The following ABCF1 variants were observed in gnomAD, a reference collection of about 807,000 sequenced individuals.
ABCF1 encodes the protein ATP binding cassette subfamily F member 1.
Under a neutral mutation model 126.3 loss-of-function variants are expected in ABCF1, and 73 were observed. That is an observed-to-expected ratio of 0.58 (90% confidence interval 0.48 to 0.70). The LOEUF (loss-of-function observed/expected upper bound fraction) is 0.70, where lower values mean the gene tolerates loss of function less well. ABCF1 is among the 30% of genes least tolerant of loss of function. The pLI, the probability that ABCF1 is intolerant of heterozygous loss-of-function variation, is 0.00. For missense variants in ABCF1, 786 were observed against 1,057.5 expected, an observed-to-expected ratio of 0.74 and a Z score of 3.56; for synonymous variants, 345 against 396.4, an observed-to-expected ratio of 0.87 and a Z score of 1.54.
chr6:30,571,499 G>C lies in ABCF1; in HGVS notation c.12G>C (p.Ala4=). 2 of 1,610,880 alleles carry C rather than the reference G, an allele frequency of 1.2e-6. No individual in the cohort carries two copies. Among genetic ancestry groups the C allele is most frequent in the Non-Finnish European group, 1.7e-6 (2 of 1,179,396 alleles). The change falls in exon 1 of 25, where the codon GCG becomes GCC. Residue 4 remains alanine, a synonymous_variant. Transcript: ENST00000326195. MPK[A]PKQQPPEPEW... ...TAACTGCCACCGCGATGCCGAAGGC[G>C]CCCAAGCAGCAGCCGCCGGAGCCCG...
rs191456242 is a variant in ABCF1, at chr6:30,582,381, C to G, written c.679-13C>G. ...AGGAGTCCCTAGTTTTGACCATCCC[C>G]GGGTTCTCACAGGGTTCAGAGGAAG... is the stretch of plus-strand genomic sequence containing the variant. On this transcript the variant is annotated splice_polypyrimidine_tract_variant and intron_variant, in intron 8 of 24. Transcript: ENST00000326195. 8 of 1,560,682 alleles carry G rather than the reference C, an allele frequency of 5.1e-6. No individual in the cohort carries two copies. Among genetic ancestry groups the G allele is most frequent in the Admixed American group, 1.7e-5 (1 of 58,558 alleles).
rs1802371618 is a variant in ABCF1, at chr6:30,590,188, G to T, written c.2273G>T (p.Cys758Phe). The change falls in exon 23 of 25, where the codon TGT (cysteine) becomes TTT (phenylalanine). Residue 758 changes from cysteine to phenylalanine, a missense_variant. Physicochemically the swap from Cys to Phe is radical, Grantham distance 205 (BLOSUM62 -2). Coordinates refer to ENST00000326195, the MANE Select transcript of ABCF1 (RefSeq NM_001025091.2). ...CGAGTTGTGTTTGCTGAGCTGGCCTGTCGGGAACCTGATGTCCTCATCTTG... is the reference window on the plus strand; with the variant it reads ...CGAGTTGTGTTTGCTGAGCTGGCCTTTCGGGAACCTGATGTCCTCATCTTG... The part of the protein sequence containing the change: ...KARVVFAELA[C>F]REPDVLILDE... 6.2e-7 allele frequency: 1 copy of T among 1,613,086 alleles called. No individual in the cohort carries two copies. The highest frequency in any genetic ancestry group is 8.5e-7 in the Non-Finnish European group (1 of 1,180,028).
At chr6:30,576,345 T>C (rs1469837886) in intron 1 of ABCF1, among the ~76,000 whole-genome samples, 3 of 123,494 alleles carry the variant, frequency 2.4e-5, no homozygotes, top group African/African-American at 9.0e-5. Context: ...TGCAGTACAA[T>C]AGCGTGATCT....
Position 30,584,711 on chromosome 6 carries a change from G to A in ABCF1, c.1391+145G>A. On this transcript the variant is annotated intron_variant, in intron 14 of 24. Transcript: ENST00000326195. This position sits in a 1 kb window ranked among gnomAD's most constrained non-coding sequence, Gnocchi z 4.6. Reference sequence around the variant, plus strand: ...ACTATCTGTGTTGTGAGAACTTAGGGTCTTTCTCTATTTATCTCCCTACTT... The same window carrying A: ...ACTATCTGTGTTGTGAGAACTTAGGATCTTTCTCTATTTATCTCCCTACTT... 1 of 1,199,810 alleles carries A rather than the reference G, an allele frequency of 8.3e-7. No homozygotes were observed. Among genetic ancestry groups the A allele is most frequent in the South Asian group, 1.6e-5 (1 of 63,752 alleles). The allele number at this position is 1,199,810 out of a possible 1,614,324, so 74.3% of individuals were successfully genotyped here.
intron 6 of ABCF1, 42 bp downstream of exon 6, chr6:30,578,619 C>G: frequency 1.3e-6 from 2 of 1,535,082 alleles, no homozygotes; most frequent in Non-Finnish European, 1.8e-6. Flanking sequence ...CTCCATTTAG[C>G]ACCTTCTGGC....
At chr6:30,587,685 C>T (rs936329689) in intron 20 of ABCF1, among the ~76,000 whole-genome samples, 3 of 151,470 alleles carry the variant, frequency 2.0e-5, no homozygotes, top group African/African-American at 7.3e-5. Flanking sequence ...CCCATCTCTA[C>T]TAAAAATACA....
At chr6:30,588,855 G>A (rs953130958) in intron 20 of ABCF1, among the ~76,000 whole-genome samples, 2 of 151,926 alleles carry the variant, frequency 1.3e-5, no homozygotes, top group African/African-American at 2.4e-5. Flanking sequence ...TGTACCATTC[G>A]TGAGTCTCGC....
rs781453684 is a variant in ABCF1 at position 30,586,856 on chromosome 6, G to A, written c.2031+145G>A. The A allele has an allele frequency of 6.5e-6, 6 of 918,040 alleles. No individual in the cohort carries two copies. The highest frequency in any genetic ancestry group is 1.0e-5 in the Non-Finnish European group (6 of 598,396). The allele number at this position is 918,040 out of a possible 1,614,324, so 56.9% of individuals were successfully genotyped here. ...ATGATTCATTTCCCTAAGAGGGGCA[G>A]TAGAGGAGGAAAGAGCTTAGATCAG... On this transcript the variant is annotated intron_variant, in intron 20 of 24. Coordinates refer to ENST00000326195, the MANE Select transcript of ABCF1 (RefSeq NM_001025091.2). The surrounding 1 kb of genome is among the most constrained non-coding windows in gnomAD (Gnocchi z 4.9).
chr6:30,585,147 G>T, intron 14 of ABCF1, 113 bp from the exon 15 acceptor site: 1 of 952,524 alleles, frequency 1.0e-6, no homozygotes, highest in South Asian at 1.3e-5. Context: ...TCTCTGAGGA[G>T]AGCTTGGGAA....
At chr6:30,577,563 CAA>C (rs1433720159) in intron 2 of ABCF1, 108 bp downstream of exon 2, 18 of 1,369,092 alleles carry the variant, frequency 1.3e-5, no homozygotes, top group Non-Finnish European at 1.8e-5. Flanking sequence ...AAGATCTTGT[CAA>C]GAGAGGAGAT....
chr6:30,590,084 C>T (rs1377704637), intron 22 of ABCF1, 65 bp from the exon 23 acceptor site: 3 of 1,610,136 alleles, frequency 1.9e-6, no homozygotes, highest in Non-Finnish European at 2.5e-6. Flanking sequence ...ACTGGCACAT[C>T]TTGAGGGTTT....
intron 6 of ABCF1, among the ~76,000 whole-genome samples, chr6:30,579,481 C>T (rs1341123511): frequency 4.4e-5 from 5 of 113,874 alleles, no homozygotes; most frequent in African/African-American, 1.1e-4. Flanking sequence ...TTTTTTGAGA[C>T]GGAGTCTCAC....
At chr6:30,581,508 A>G (rs896904368) in intron 8 of ABCF1, among the ~76,000 whole-genome samples, 6 of 150,372 alleles carry the variant, frequency 4.0e-5, no homozygotes, top group East Asian at 3.9e-4. Flanking sequence ...GGTTCAAGCA[A>G]TTCTTCTGCC....
rs1253619622 is a variant in ABCF1, at chr6:30,580,421, G to A, written c.580G>A (p.Ala194Thr). 24 of 1,537,136 alleles carry A rather than the reference G, an allele frequency of 1.6e-5. No homozygotes were observed. Among genetic ancestry groups the A allele is most frequent in the Admixed American group, 4.9e-5 (2 of 40,778 alleles). Residue 194 changes from alanine (A) to threonine (T), a missense_variant, in exon 8 of 25, where the codon GCT becomes ACT. Ala to Thr is a moderately conservative substitution (Grantham distance 58). Coordinates refer to ENST00000326195, the MANE Select transcript of ABCF1 (RefSeq NM_001025091.2). ...TCCCTATTAGCCTCAAAATAAATTC[G>A]CTGCTCTGGACAATGAAGAGGAGGA... ...KGKAKPQNKF[A>T]ALDNEEEDKE...
intron 8 of ABCF1, 56 bp downstream of exon 8, chr6:30,580,575 T>G (rs1801766659): frequency 1.7e-5 from 18 of 1,089,784 alleles, no homozygotes; most frequent in Non-Finnish European, 2.1e-5. Context: ...TCCAGGGTCC[T>G]TATGGGAGAG....
At position 30,586,031 on chromosome 6, in the gene ABCF1, C is replaced by G. The variant is rs1438072445; in HGVS notation, c.1713+40C>G. On this transcript the variant is annotated intron_variant, in intron 17 of 24. Transcript: ENST00000326195. This position sits in a 1 kb window ranked among gnomAD's most constrained non-coding sequence, Gnocchi z 4.9. ...GACTTCTGGGCTGGGGGCCACTGTT[C>G]TCTCCTGGCAGTGGAGGAAGAAGGA... The G allele has an allele frequency of 1.9e-6, 3 of 1,592,950 alleles. No homozygotes were observed. Among genetic ancestry groups the G allele is most frequent in the South Asian group, 2.2e-5 (2 of 89,212 alleles).
chr6:30,575,075 T>TC (rs1801428041), intron 1 of ABCF1, among the ~76,000 whole-genome samples: 1 of 147,394 alleles, frequency 6.8e-6, no homozygotes, highest in African/African-American at 2.6e-5. Context: ...TTTTTTCTTT[T>TC]TTTTTTTTTT....
chr6:30,580,030 G>T (rs1561789562), intron 7 of ABCF1, 25 bp downstream of exon 7: 1 of 1,608,812 alleles, frequency 6.2e-7, no homozygotes, highest in South Asian at 1.1e-5. Flanking sequence ...AGCAGGAGGA[G>T]GTATTGGGGC....
intron 1 of ABCF1, 70 bp from the exon 2 acceptor site, chr6:30,577,339 C>A: frequency 6.8e-7 from 1 of 1,467,196 alleles, no homozygotes; most frequent in Non-Finnish European, 9.4e-7. Context: ...CTACAGAGAT[C>A]TTTGCAGGGG....
Sources: allele counts gnomAD v4.1 joint callset (sites outside exome capture counted in the v4.1 genomes callset), GRCh38; gene constraint gnomAD v4.1.1; non-coding constraint Gnocchi (gnomAD v3.1); transcripts MANE v1.5; gene names NCBI Gene and HGNC (gene_info 2026-07-23, HGNC 2026-07-21).